Variants in TEX9 observed in about 807,000 individuals in gnomAD.
TEX9 encodes testis-expressed protein 9.
Under a neutral mutation model 59.6 loss-of-function variants are expected in TEX9, and 74 were observed. The observed-to-expected ratio is 1.24, with a 90% CI of 1.03 to 1.51. The LOEUF is 1.51. Ranked by LOEUF, TEX9 falls within the 40% of genes most tolerant of loss-of-function variation. The pLI is 0.00. For missense variants in TEX9, 522 were observed against 447.8 expected, an observed-to-expected ratio of 1.17 and a Z score of -1.49; for synonymous variants, 186 against 152.2, an observed-to-expected ratio of 1.22 and a Z score of -1.64.
intron 10 of TEX9, 68 bp from the exon 11 acceptor site, chr15:56,427,537 A>G (rs1396244219): frequency 1.6e-5 from 17 of 1,083,556 alleles, no homozygotes; most frequent in Non-Finnish European, 2.0e-5. Flanking sequence ...TGTTGTGATG[A>G]TAGTCTATAA....
chr15:56,422,986 A>G (rs2050055095), intron 10 of TEX9, among the ~76,000 whole-genome samples: 1 of 152,164 alleles, frequency 6.6e-6, no homozygotes, highest in African/African-American at 2.4e-5. Context: ...TCAGAATTTC[A>G]TTCCTTTTTA....
chr15:56,402,796 G>A (rs12570266), intron 9 of TEX9, among the ~76,000 whole-genome samples: 4,250 of 152,132 alleles, frequency 0.028, 192 homozygotes, highest in African/African-American at 0.095. Context: ...AGATCAAGTC[G>A]GCTTCATCCC....
At chr15:56,326,989 AG>A in intron 1 of TEX9, among the ~76,000 whole-genome samples, 1 of 152,366 alleles carries the variant, frequency 6.6e-6, no homozygotes, top group East Asian at 1.9e-4. Context: ...TCACCATTAA[AG>A]AACTTACCCG....
At chr15:56,400,953 G>A (rs1183734117) in intron 9 of TEX9, among the ~76,000 whole-genome samples, 2 of 152,028 alleles carry the variant, frequency 1.3e-5, no homozygotes, top group Non-Finnish European at 1.5e-5. Context: ...TCACCACCAG[G>A]CCTGCCTTAC....
intron 1 of TEX9, among the ~76,000 whole-genome samples, chr15:56,263,882 G>C (rs2044321851): frequency 6.6e-6 from 1 of 151,336 alleles, no homozygotes; most frequent in African/African-American, 2.4e-5. Flanking sequence ...TCTGCCATTT[G>C]TTTTTTATTA....
chr15:56,427,768 ATAT>A (rs745731847), intron 11 of TEX9, 29 bp downstream of exon 11: 57 of 1,410,802 alleles, frequency 4.0e-5, no homozygotes, highest in Middle Eastern at 2.2e-4. Context: ...TTAAATCATC[ATAT>A]TATTTGTAAC....
intron 10 of TEX9, among the ~76,000 whole-genome samples, chr15:56,413,113 ACTTTTTGGT>A (rs1185115619): frequency 8.3e-6 from 1 of 121,082 alleles, no homozygotes; most frequent in East Asian, 2.1e-4. Flanking sequence ...AATATTGGTT[ACTTTTTGGT>A]TCTGTATTGA....
At chr15:56,306,209 A>G (rs1467473806) in intron 1 of TEX9, among the ~76,000 whole-genome samples, 1 of 150,182 alleles carries the variant, frequency 6.7e-6, no homozygotes, top group Non-Finnish European at 1.5e-5. Flanking sequence ...TCAGAAAACT[A>G]GAAATAAAAC....
Position 56,373,433 on chromosome 15 carries a change from G to A in TEX9, c.120-8G>A. On this transcript the variant is annotated splice_polypyrimidine_tract_variant and splice_region_variant and intron_variant, in intron 2 of 12. Coordinates refer to ENST00000352903, the Ensembl canonical transcript of TEX9. Reference sequence around the variant, plus strand: ...CTTCAGTATATCCCAATTATTTTCTGCTTTTAGGCGTTTAAATGCAGAATT... The same window carrying A: ...CTTCAGTATATCCCAATTATTTTCTACTTTTAGGCGTTTAAATGCAGAATT... 1 of 1,585,542 alleles carries A rather than the reference G, an allele frequency of 6.3e-7. No individual in the cohort carries two copies. Among genetic ancestry groups the A allele is most frequent in the South Asian group, 1.2e-5 (1 of 86,010 alleles).
At chr15:56,425,640 C>G (rs2050202480) in intron 10 of TEX9, among the ~76,000 whole-genome samples, 1 of 152,016 alleles carries the variant, frequency 6.6e-6, no homozygotes, top group Non-Finnish European at 1.5e-5. Context: ...CAATATTCTC[C>G]TTCAGCTCAT....
At chr15:56,367,211 T>G (rs1050300200) in intron 2 of TEX9, among the ~76,000 whole-genome samples, 6 of 152,190 alleles carry the variant, frequency 3.9e-5, no homozygotes, top group African/African-American at 1.4e-4. Flanking sequence ...CAGTTGTTAC[T>G]TGTTCTGTTA....
intron 1 of TEX9, among the ~76,000 whole-genome samples, chr15:56,337,279 C>T (rs953789106): frequency 6.6e-6 from 1 of 152,114 alleles, no homozygotes; most frequent in Non-Finnish European, 1.5e-5. Context: ...TCTGGTGGGG[C>T]TATTCAGATC....
At chr15:56,346,313 G>T (rs1406775358) in intron 1 of TEX9, among the ~76,000 whole-genome samples, 1 of 152,166 alleles carries the variant, frequency 6.6e-6, no homozygotes, top group Non-Finnish European at 1.5e-5. Context: ...AGAGGAGGAG[G>T]TGGGTTATGA....
intron 8 of TEX9, 146 bp from the exon 9 acceptor site, chr15:56,394,515 C>A: frequency 1.5e-6 from 1 of 687,698 alleles, no homozygotes; most frequent in African/African-American, 1.8e-5. Flanking sequence ...ATTTGACTTC[C>A]ATTTTTGAAG....
At chr15:56,409,112 C>T (rs770403740) in intron 9 of TEX9, among the ~76,000 whole-genome samples, 4 of 151,810 alleles carry the variant, frequency 2.6e-5, no homozygotes, top group Non-Finnish European at 5.9e-5. Flanking sequence ...AGGAGAATGG[C>T]GTGAACCCGG....
At chr15:56,399,268 T>G (rs1350751378) in intron 9 of TEX9, among the ~76,000 whole-genome samples, 1 of 152,226 alleles carries the variant, frequency 6.6e-6, no homozygotes, top group African/African-American at 2.4e-5. Flanking sequence ...ATACTGCGCT[T>G]TTCCCAAGGT....
At chr15:56,330,517 G>A (rs1320028881) in intron 1 of TEX9, among the ~76,000 whole-genome samples, 1 of 151,882 alleles carries the variant, frequency 6.6e-6, no homozygotes, top group African/African-American at 2.4e-5. Flanking sequence ...GCAATGAAAA[G>A]GTAAAAAAGT....
At chr15:56,420,294 C>T (rs1364050572) in intron 10 of TEX9, among the ~76,000 whole-genome samples, 2 of 150,636 alleles carry the variant, frequency 1.3e-5, no homozygotes, top group Admixed American at 1.3e-4. Flanking sequence ...TCAATTTGTT[C>T]TTTTTCTCTT....
intron 1 of TEX9, among the ~76,000 whole-genome samples, chr15:56,250,951 A>C (rs1234346486): frequency 2.0e-5 from 3 of 152,224 alleles, no homozygotes; most frequent in Non-Finnish European, 4.4e-5. Flanking sequence ...GTATGTGTCA[A>C]CTTGGCTAGG....
Sources: gnomAD v4.1 joint callset for allele counts (sites outside exome capture counted in the v4.1 genomes callset) on GRCh38, gnomAD v4.1.1 for gene constraint, MANE v1.5 for transcripts, NCBI Gene and HGNC (gene_info 2026-07-23, HGNC 2026-07-21) for gene names.